The following TLN2 variants were observed in gnomAD, a reference collection of about 807,000 sequenced individuals.
TLN2 encodes talin 2, also known as talin-2.
A neutral mutation model predicts 294.7 loss-of-function variants in TLN2; 118 were observed. The observed-to-expected ratio is 0.40, with a 90% confidence interval of 0.34 to 0.47. The LOEUF (loss-of-function observed/expected upper bound fraction) is 0.47, where lower values mean the gene tolerates loss of function less well. Ranked by LOEUF, TLN2 falls within the 20% of genes least tolerant of loss-of-function variation. The pLI is 0.84. For missense variants in TLN2, 3,083 were observed against 3,282.2 expected (o/e 0.94, Z 1.48); for synonymous variants, 1,431 against 1,304.5 (o/e 1.10, Z -2.09).
intron 1 of TLN2, among the ~76,000 whole-genome samples, chr15:62,586,546 G>A (rs1272906812): frequency 6.6e-6 from 1 of 152,170 alleles, no homozygotes; most frequent in African/African-American, 2.4e-5. Context: ...AGCAAAATGA[G>A]AACAATAAAT....
chr15:62,784,074 A>C, intron 45 of TLN2, 184 bp downstream of exon 45: 54 of 1,042,484 alleles, frequency 5.2e-5, no homozygotes, highest in Middle Eastern at 3.2e-4. Context: ...CTCAAGTCTC[A>C]CTGCCCCTTA....
At chr15:62,690,418 C>G (rs184812736) in intron 12 of TLN2, 2 of 170,338 alleles carry the variant, frequency 1.2e-5, no homozygotes, top group African/African-American at 2.6e-5. Context: ...GATGGGCGGC[C>G]GGGCAGAGAC....
In TLN2 at chr15:62,577,863, G is replaced by A. The variant is rs200462145; in HGVS notation, c.-237-11824G>A. On this transcript the variant is annotated intron_variant, in intron 1 of 58. Transcript: ENST00000636159. The stretch of plus-strand genomic sequence containing the variant: ...CCCCCAGCCTCCTACTACCTAACAG[G>A]CCCCATTGTGTGATGTTCCCTGTCC... 7.9e-5 allele frequency among the ~76,000 whole-genome samples: 12 copies of A among 152,110 alleles called. No individual in the cohort carries two copies. The East Asian group carries it at 2.3e-3, about 29-fold the overall frequency.
intron 12 of TLN2, among the ~76,000 whole-genome samples, chr15:62,688,635 A>G (rs1287039174): frequency 6.6e-6 from 1 of 152,066 alleles, no homozygotes; most frequent in African/African-American, 2.4e-5. Context: ...GGATTTTTCT[A>G]CTTTTTCTTT....
At chr15:62,398,098 A>AT (rs1342581397) in intron 1 of TLN2, among the ~76,000 whole-genome samples, 3 of 152,088 alleles carry the variant, frequency 2.0e-5, no homozygotes, top group African/African-American at 7.2e-5. Context: ...TCTCATCTTG[A>AT]ACTGTAGTTG....
chr15:62,779,043 C>T (rs367592461), intron 43 of TLN2, among the ~76,000 whole-genome samples: 29 of 152,250 alleles, frequency 1.9e-4, no homozygotes, highest in African/African-American at 7.0e-4. Flanking sequence ...ATTAGACTCA[C>T]TGTCTGAAAT....
At chr15:62,657,062 T>G (rs1432387785) in intron 8 of TLN2, among the ~76,000 whole-genome samples, 1 of 151,452 alleles carries the variant, frequency 6.6e-6, no homozygotes, top group African/African-American at 2.4e-5. Context: ...AGTGAAAAGA[T>G]GCTTGTTGGC....
At chr15:62,471,661 A>C (rs1010913000) in intron 1 of TLN2, among the ~76,000 whole-genome samples, 8 of 152,122 alleles carry the variant, frequency 5.3e-5, no homozygotes, top group African/African-American at 1.9e-4. Context: ...CCAGCCCCTT[A>C]TCTGGGGCCT....
chr15:62,808,098 C>T (rs150906768), intron 51 of TLN2, among the ~76,000 whole-genome samples: 5 of 152,204 alleles, frequency 3.3e-5, no homozygotes, highest in South Asian at 2.1e-4. Flanking sequence ...AGCCCACACA[C>T]GGAGGGGCAG....
At chr15:62,417,621 C>A (rs906230382) in intron 1 of TLN2, among the ~76,000 whole-genome samples, 1 of 152,182 alleles carries the variant, frequency 6.6e-6, no homozygotes, top group Non-Finnish European at 1.5e-5. Context: ...TACTTTGCAT[C>A]TGAGTTCAGG....
intron 3 of TLN2, chr15:62,637,718 G>C (rs191185359): frequency 4.6e-5 from 7 of 152,602 alleles, no homozygotes; most frequent in East Asian, 1.9e-4. Flanking sequence ...TGGTGACTCA[G>C]GCCAGGCGGG....
At chr15:62,453,396 G>C (rs1187772695) in intron 1 of TLN2, among the ~76,000 whole-genome samples, 1 of 152,046 alleles carries the variant, frequency 6.6e-6, no homozygotes, top group Admixed American at 6.6e-5. Context: ...TCTGCACATG[G>C]CAGGTGCCAA....
At chr15:62,589,214 G>C (rs904953391) in intron 1 of TLN2, among the ~76,000 whole-genome samples, 8 of 152,120 alleles carry the variant, frequency 5.3e-5, no homozygotes, top group Non-Finnish European at 7.4e-5. Flanking sequence ...CAGTGCCTTA[G>C]AGAACCAGGA....
At chr15:62,455,766 G>A (rs2036440186) in intron 1 of TLN2, among the ~76,000 whole-genome samples, 1 of 152,134 alleles carries the variant, frequency 6.6e-6, no homozygotes, top group Admixed American at 6.5e-5. Context: ...ATGCCTTGAT[G>A]GGCCCTTTTC....
intron 1 of TLN2, among the ~76,000 whole-genome samples, chr15:62,465,859 G>A (rs1319547591): frequency 1.3e-5 from 2 of 152,150 alleles, no homozygotes; most frequent in Non-Finnish European, 2.9e-5. Context: ...TGGAAATGAA[G>A]CTTCCATGTC....
intron 52 of TLN2, among the ~76,000 whole-genome samples, chr15:62,818,970 C>G (rs1045691547): frequency 6.6e-6 from 1 of 152,114 alleles, no homozygotes; most frequent in East Asian, 1.9e-4. Flanking sequence ...ATCTTCCCAC[C>G]TCAGCCTCCT....
chr15:62,549,475 G>GCCATGCAT (rs1555427551), intron 1 of TLN2, among the ~76,000 whole-genome samples: 4 of 125,212 alleles, frequency 3.2e-5, no homozygotes, highest in African/African-American at 6.0e-5. Context: ...TGCCATGCAT[G>GCCATGCAT]CCATGCATCC....
At chr15:62,704,206 T>A (rs1194385437) in intron 19 of TLN2, among the ~76,000 whole-genome samples, 1 of 152,176 alleles carries the variant, frequency 6.6e-6, no homozygotes, top group East Asian at 1.9e-4. Flanking sequence ...TACGAACTTA[T>A]ATGAACTAAC....
intron 32 of TLN2, among the ~76,000 whole-genome samples, chr15:62,743,386 C>T (rs1246168567): frequency 1.3e-5 from 2 of 152,118 alleles, no homozygotes; most frequent in Non-Finnish European, 2.9e-5. Flanking sequence ...CCTTCTTGCT[C>T]TGGGAAGAAA....
Sources: allele counts gnomAD v4.1 joint callset (sites outside exome capture counted in the v4.1 genomes callset), GRCh38; gene constraint gnomAD v4.1.1; transcripts MANE v1.5; gene names NCBI Gene and HGNC (gene_info 2026-07-23, HGNC 2026-07-21).